SLX4IP: variants seen among roughly 807,000 people sequenced by gnomAD.
SLX4IP encodes protein SLX4IP.
Under a neutral mutation model 32.9 loss-of-function variants are expected in SLX4IP, and 34 were observed. The ratio of observed to expected loss-of-function variants is 1.03; its 90% confidence interval spans 0.79 to 1.38. SLX4IP has a LOEUF of 1.38. Among genes scored for constraint, SLX4IP ranks in the 40% most tolerant of loss-of-function variants. The pLI is 0.00. For synonymous variants in SLX4IP, 172 were observed against 171.7 expected (o/e 1.00, Z -0.01); for missense variants, 444 against 479.0 (o/e 0.93, Z 0.68).
At chr20:10,541,733 C>T (rs2066109299) in intron 2 of SLX4IP, among the ~76,000 whole-genome samples, 1 of 152,156 alleles carries the variant, frequency 6.6e-6, no homozygotes, top group Non-Finnish European at 1.5e-5. Flanking sequence ...TAACTACTCT[C>T]AATTAGTTAA....
At chr20:10,480,892 C>T (rs765495868) in intron 2 of SLX4IP, among the ~76,000 whole-genome samples, 1 of 152,144 alleles carries the variant, frequency 6.6e-6, no homozygotes, top group Admixed American at 6.5e-5. Context: ...TCTCTCAGAG[C>T]TTTGTAACAA....
At chr20:10,524,203 G>A (rs960297677) in intron 2 of SLX4IP, among the ~76,000 whole-genome samples, 9 of 152,232 alleles carry the variant, frequency 5.9e-5, no homozygotes, top group Non-Finnish European at 1.0e-4. Context: ...GGCTGTGTCC[G>A]TTTGGGATTG....
intron 4 of SLX4IP, among the ~76,000 whole-genome samples, chr20:10,577,186 G>T (rs950185819): frequency 2.6e-5 from 4 of 152,138 alleles, no homozygotes; most frequent in Non-Finnish European, 5.9e-5. Flanking sequence ...ACTTCTAGAA[G>T]ACTGAGATTT....
At chr20:10,502,992 T>C (rs2065732205) in intron 2 of SLX4IP, among the ~76,000 whole-genome samples, 1 of 152,194 alleles carries the variant, frequency 6.6e-6, no homozygotes, top group African/African-American at 2.4e-5. Flanking sequence ...TTATCTTTCT[T>C]GCTATTTGAC....
chr20:10,622,082 G>A lies in SLX4IP; in HGVS notation c.507-577G>A, dbSNP rs1406741774. 2.0e-5 allele frequency among the ~76,000 whole-genome samples: 3 copies of A among 152,252 alleles called. No individual in the cohort carries two copies. In the East Asian group the frequency reaches 5.8e-4, roughly 29 times the overall value. Reference sequence around the variant, plus strand: ...TTGTCTTCCACGATTGTATTTTATTGCCTTTCATGCTGACTATCTGAAATT... The same window carrying A: ...TTGTCTTCCACGATTGTATTTTATTACCTTTCATGCTGACTATCTGAAATT... On this transcript the variant is annotated intron_variant, in intron 7 of 7. Coordinates refer to ENST00000334534, the MANE Select transcript of SLX4IP (RefSeq NM_001009608.3).
intron 4 of SLX4IP, among the ~76,000 whole-genome samples, chr20:10,592,907 C>T (rs752561204): frequency 6.6e-6 from 1 of 152,152 alleles, no homozygotes; most frequent in Non-Finnish European, 1.5e-5. Context: ...GCTGGGATTA[C>T]AGGCGTGAGC....
chr20:10,594,157 T>C (rs1026384252), intron 4 of SLX4IP, among the ~76,000 whole-genome samples: 1 of 152,090 alleles, frequency 6.6e-6, no homozygotes, highest in African/African-American at 2.4e-5. Flanking sequence ...AGATGGTGGG[T>C]TTTGGGATGT....
intron 2 of SLX4IP, among the ~76,000 whole-genome samples, chr20:10,527,207 C>T (rs2065947499): frequency 6.6e-6 from 1 of 152,170 alleles, no homozygotes; most frequent in African/African-American, 2.4e-5. Context: ...AAATACTGCC[C>T]CTCAAAGAGC....
At chr20:10,569,634 TGTTGATG>T (rs1337249637) in intron 4 of SLX4IP, among the ~76,000 whole-genome samples, 11 of 152,166 alleles carry the variant, frequency 7.2e-5, no homozygotes, top group African/African-American at 2.7e-4. Context: ...CTCCTTTGCT[TGTTGATG>T]GCTGTCTCCT....
rs551548539 is a variant in SLX4IP, at chr20:10,538,051, C to G, written c.28-18180C>G. ...AATTCTTTCTGTGACCAAATTAAAC[C>G]CTAATCCCATGAAGAAAGCAGTCAT... is the stretch of plus-strand genomic sequence containing the variant. On this transcript the variant is annotated intron_variant, in intron 2 of 7. Coordinates refer to ENST00000334534, the MANE Select transcript of SLX4IP (RefSeq NM_001009608.3). 3.9e-5 allele frequency among the ~76,000 whole-genome samples: 6 copies of G among 152,186 alleles called. No individual in the cohort carries two copies. The East Asian group carries it at 1.2e-3, about 29-fold the overall frequency.
At chr20:10,456,959 TA>T (rs2065290128) in intron 1 of SLX4IP, among the ~76,000 whole-genome samples, 1 of 152,226 alleles carries the variant, frequency 6.6e-6, no homozygotes, top group African/African-American at 2.4e-5. Flanking sequence ...TGCTTATTCC[TA>T]AGTATTCTTT....
chr20:10,575,623 G>A (rs147998806), intron 4 of SLX4IP, among the ~76,000 whole-genome samples: 4 of 150,806 alleles, frequency 2.7e-5, no homozygotes, highest in African/African-American at 9.7e-5. Flanking sequence ...ACAAGGTATA[G>A]TGGGAACTGT....
chr20:10,481,284 A>G (rs928249597), intron 2 of SLX4IP, among the ~76,000 whole-genome samples: 1 of 152,196 alleles, frequency 6.6e-6, no homozygotes, highest in African/African-American at 2.4e-5. Flanking sequence ...CTGCACTTGT[A>G]TGTTTATAGC....
intron 4 of SLX4IP, among the ~76,000 whole-genome samples, chr20:10,591,813 G>A (rs1307015153): frequency 6.6e-6 from 1 of 152,132 alleles, no homozygotes; most frequent in African/African-American, 2.4e-5. Context: ...AAAGCAACAT[G>A]GGGAAGAAAT....
At chr20:10,586,142 T>C (rs756611968) in intron 4 of SLX4IP, among the ~76,000 whole-genome samples, 4 of 152,220 alleles carry the variant, frequency 2.6e-5, no homozygotes, top group Non-Finnish European at 5.9e-5. Context: ...TCTCTCTCTC[T>C]TGTTAGTCCT....
At chr20:10,565,022 T>G (rs771648757) in intron 4 of SLX4IP, among the ~76,000 whole-genome samples, 10 of 152,196 alleles carry the variant, frequency 6.6e-5, no homozygotes, top group Non-Finnish European at 1.3e-4. Context: ...AGGTTTGTGG[T>G]TTTTGCCTTT....
chr20:10,462,012 C>G (rs770172524), intron 2 of SLX4IP, among the ~76,000 whole-genome samples: 1 of 151,944 alleles, frequency 6.6e-6, no homozygotes, highest in Non-Finnish European at 1.5e-5. Flanking sequence ...TTACATATAA[C>G]CACAAAACAA....
chr20:10,605,336 G>A (rs1426145131), intron 6 of SLX4IP, among the ~76,000 whole-genome samples: 3 of 152,140 alleles, frequency 2.0e-5, no homozygotes, highest in Non-Finnish European at 4.4e-5. Flanking sequence ...GTAGGCACCA[G>A]GAAAACAAAG....
At chr20:10,600,623 A>G (rs1194765262) in intron 5 of SLX4IP, among the ~76,000 whole-genome samples, 1 of 151,998 alleles carries the variant, frequency 6.6e-6, no homozygotes, top group Non-Finnish European at 1.5e-5. Flanking sequence ...TGTAATTGAC[A>G]CCTTCTTGCT....
Sources: gnomAD v4.1 joint callset for allele counts (sites outside exome capture counted in the v4.1 genomes callset) on GRCh38, gnomAD v4.1.1 for gene constraint, MANE v1.5 for transcripts, NCBI Gene and HGNC (gene_info 2026-07-23, HGNC 2026-07-21) for gene names.